Variants in MTF2 observed in about 807,000 individuals in gnomAD.
MTF2 encodes the protein metal-response element-binding transcription factor 2.
MTF2 carries 11 observed loss-of-function variants against 79.5 expected under a neutral mutation model. The ratio of observed to expected loss-of-function variants is 0.14; its 90% CI spans 0.09 to 0.23. The LOEUF is 0.23. MTF2 is among the 10% of genes least tolerant of loss of function. The probability of loss-of-function intolerance (pLI) is 1.00; values close to 1 mark genes in which losing one functional copy is unlikely to be tolerated. For synonymous variants in MTF2, 208 were observed against 232.8 expected (o/e 0.89, Z 0.97); for missense variants, 486 against 711.2 (o/e 0.68, Z 3.60).
At chr1:93,129,558 A>ATTTTTT (rs200494793) in intron 11 of MTF2, 110 bp downstream of exon 11, 10 of 448,062 alleles carry the variant, frequency 2.2e-5, no homozygotes, top group Non-Finnish European at 3.4e-5. Flanking sequence ...AGTTACTCTG[A>ATTTTTT]TTTTTTTTTT....
chr1:93,094,272 G>A (rs1381686278), intron 1 of MTF2, among the ~76,000 whole-genome samples: 1 of 151,724 alleles, frequency 6.6e-6, no homozygotes, highest in Non-Finnish European at 1.5e-5. Flanking sequence ...TTCTATCTTG[G>A]TTATATAAGG....
At chr1:93,086,755 T>C (rs539142595) in intron 1 of MTF2, among the ~76,000 whole-genome samples, 39 of 152,298 alleles carry the variant, frequency 2.6e-4, no homozygotes, top group African/African-American at 7.7e-4. Flanking sequence ...TAAAGTCCTT[T>C]TGTATTTATC....
chr1:93,104,569 T>A (rs1376154161), intron 1 of MTF2, among the ~76,000 whole-genome samples: 1 of 149,028 alleles, frequency 6.7e-6, no homozygotes, highest in Non-Finnish European at 1.5e-5. Context: ...ATCCCAGCTA[T>A]CCGGGAGGCT....
At position 93,134,358 on chromosome 1, in the gene MTF2, T is replaced by C. The variant is rs975670314; in HGVS notation, c.1424+163T>C. On this transcript the variant is annotated intron_variant, in intron 14 of 14. Coordinates refer to ENST00000370298, the MANE Select transcript of MTF2 (RefSeq NM_007358.4). ...ATGTAGATCCCAATAGTTGTTAATA[T>C]TCATTTGAAATATTTTTGCTTTCTA... 22 of 577,166 alleles carry C rather than the reference T, an allele frequency of 3.8e-5. No individual in the cohort carries two copies. In the South Asian group the frequency reaches 4.3e-4, roughly 11 times the overall value. The allele number at this position is 577,166 out of a possible 1,614,324, so 35.8% of individuals were successfully genotyped here. A position where few individuals can be genotyped will look rare whatever the true frequency, so the allele number is the denominator to read the frequency against.
At chr1:93,121,341 C>T (rs1656469356) in intron 9 of MTF2, 1 of 828,042 alleles carries the variant, frequency 1.2e-6, no homozygotes, top group Non-Finnish European at 1.5e-6. Context: ...TAGTTAGGGA[C>T]CTTATTTTTA....
rs543415613 is a variant in MTF2 at position 93,135,436 on chromosome 1, AGT to A, written c.1425-1231_1425-1230del. ...GCAAAATTCTACATTAAATGCTTAAAGTGTAACCCATTTATTAATGAATTCTG... is the reference window on the plus strand; with the variant it reads ...GCAAAATTCTACATTAAATGCTTAAAGTAACCCATTTATTAATGAATTCTG... On this transcript the variant is annotated intron_variant, in intron 14 of 14. Coordinates refer to ENST00000370298, the MANE Select transcript of MTF2 (RefSeq NM_007358.4). Among the ~76,000 whole-genome samples the A allele has an allele frequency of 2.8e-3, 429 of 152,364 alleles. 4 individuals are homozygous for A. The highest frequency in any genetic ancestry group is 9.9e-3 in the African/African-American group (410 of 41,586).
intron 5 of MTF2, 148 bp from the exon 6 acceptor site, chr1:93,115,322 T>C (rs2295424): frequency 0.58 from 411,841 of 709,666 alleles, 126,469 homozygotes; most frequent in South Asian, 0.67. Context: ...AAAAGAAAAA[T>C]AGAGATTATT....
At chr1:93,111,321 A>G (rs1187426435) in intron 3 of MTF2, among the ~76,000 whole-genome samples, 2 of 152,022 alleles carry the variant, frequency 1.3e-5, no homozygotes, top group Non-Finnish European at 2.9e-5. Flanking sequence ...TTAAAGCCCT[A>G]CTTTTGGTTT....
chr1:93,134,150 C>T lies in MTF2; in HGVS notation c.1379C>T (p.Ser460Phe), dbSNP rs1014597465. The T allele has an allele frequency of 1.3e-5, 21 of 1,613,664 alleles. No homozygotes were observed. Among genetic ancestry groups the T allele is most frequent in the Non-Finnish European group, 1.7e-5 (20 of 1,179,732 alleles). ...NTSDVDFTGASSAKETTSSSI... is the reference protein window; with the variant it reads ...NTSDVDFTGAFSAKETTSSSI... ...TCAGATGTGGATTTCACGGGTGCTT[C>T]CAGTGCAAAAGAAACTACCTCGTCT... Residue 460 changes from serine to phenylalanine, a missense_variant, in exon 14 of 15, where the codon TCC becomes TTC. Around this residue, in one of 4 missense-constraint regions of MTF2, gnomAD observed 209 missense variants for 206.5 expected, o/e 1.01. Coordinates refer to ENST00000370298, the MANE Select transcript of MTF2 (RefSeq NM_007358.4).
At position 93,137,069 on chromosome 1, in the gene MTF2, G is replaced by C; in HGVS notation, c.*42G>C. ...TATGTTCACTGCACTCTGATTTTCTGTAGGTACAGTTCAAAGCCCTAAAGG... is the reference window on the plus strand; with the variant it reads ...TATGTTCACTGCACTCTGATTTTCTCTAGGTACAGTTCAAAGCCCTAAAGG... On this transcript the variant is annotated 3_prime_UTR_variant, in exon 15 of 15. Coordinates refer to ENST00000370298, the MANE Select transcript of MTF2 (RefSeq NM_007358.4). 1 of 1,524,410 alleles carries C rather than the reference G, an allele frequency of 6.6e-7. No homozygotes were observed. Among genetic ancestry groups the C allele is most frequent in the African/African-American group, 1.4e-5 (1 of 72,626 alleles). The allele number at this position is 1,524,410 out of a possible 1,614,324, so 94.4% of individuals were successfully genotyped here.
intron 1 of MTF2, among the ~76,000 whole-genome samples, chr1:93,091,527 A>T (rs1316394095): frequency 1.3e-5 from 2 of 152,176 alleles, no homozygotes; most frequent in African/African-American, 4.8e-5. Context: ...CATTCAAATA[A>T]GAGTTTTCCA....
rs781554715 is a variant in MTF2, at chr1:93,133,806, T to C, written c.1264T>C (p.Leu422=). ...GATTCAAAAAACTGCTGAGCCACTT[T>C]TGGTAAGAGGATATGTTGGTATATG... ...KMIQKTAEPL[L]DKESISENPT... The change falls in exon 12 of 15, where the codon TTG becomes CTG. Residue 422 remains leucine, a splice_region_variant and synonymous_variant. Coordinates refer to ENST00000370298, the MANE Select transcript of MTF2 (RefSeq NM_007358.4). 2 of 1,599,560 alleles carry C rather than the reference T, an allele frequency of 1.3e-6. No homozygotes were observed. Among genetic ancestry groups the C allele is most frequent in the South Asian group, 1.1e-5 (1 of 90,220 alleles).
At chr1:93,083,977 TC>T (rs1654724402) in intron 1 of MTF2, among the ~76,000 whole-genome samples, 1 of 152,214 alleles carries the variant, frequency 6.6e-6, no homozygotes, top group Non-Finnish European at 1.5e-5. Context: ...AGACTTTTCT[TC>T]CCCCATCCTG....
At chr1:93,118,494 GT>G in intron 7 of MTF2, 54 bp downstream of exon 7, 1 of 1,263,108 alleles carries the variant, frequency 7.9e-7, no homozygotes, top group Non-Finnish European at 1.1e-6. Context: ...TTTAATTGTG[GT>G]TATATTTGTG....
At chr1:93,085,527 C>T (rs1308418290) in intron 1 of MTF2, among the ~76,000 whole-genome samples, 4 of 139,664 alleles carry the variant, frequency 2.9e-5, no homozygotes, top group Non-Finnish European at 6.2e-5. Flanking sequence ...CTCTCTGTTG[C>T]CCAGGCTGGA....
At chr1:93,117,067 A>C (rs1252573062) in intron 6 of MTF2, among the ~76,000 whole-genome samples, 1 of 152,232 alleles carries the variant, frequency 6.6e-6, no homozygotes, top group Non-Finnish European at 1.5e-5. Context: ...GAATTTCCAA[A>C]ATGTGACACA....
chr1:93,083,472 T>C (rs1654700088), intron 1 of MTF2, among the ~76,000 whole-genome samples: 1 of 152,252 alleles, frequency 6.6e-6, no homozygotes, highest in African/African-American at 2.4e-5. Flanking sequence ...CATCAGTTGA[T>C]GGACATTTGG....
rs897845914 is a variant in MTF2, at chr1:93,101,723, A to G, written c.6-8507A>G. ...TTCCTAAGTAGCTGGGACTATAGGC[A>G]CATCCCACTATGTCTGGCTGATTTC... On this transcript the variant is annotated intron_variant, in intron 1 of 14. Coordinates refer to ENST00000370298, the MANE Select transcript of MTF2 (RefSeq NM_007358.4). Among the ~76,000 whole-genome samples, 6 of 151,568 alleles carry G rather than the reference A, an allele frequency of 4.0e-5. 1 individual carries two copies. In the South Asian group the frequency reaches 1.3e-3, roughly 32 times the overall value.
At chr1:93,117,175 A>G (rs1394502264) in intron 6 of MTF2, among the ~76,000 whole-genome samples, 1 of 152,188 alleles carries the variant, frequency 6.6e-6, no homozygotes, top group Non-Finnish European at 1.5e-5. Context: ...TTATTTTCCG[A>G]TAAAGATAAC....
Sources: allele counts gnomAD v4.1 joint callset (sites outside exome capture counted in the v4.1 genomes callset), GRCh38; gene constraint gnomAD v4.1.1; regional missense constraint gnomAD v4.1.1; transcripts MANE v1.5; gene names NCBI Gene and HGNC (gene_info 2026-07-23, HGNC 2026-07-21).